MIGA1: variants seen among roughly 807,000 people sequenced by gnomAD.
The protein encoded by MIGA1 is mitoguardin 1, also known as family with sequence similarity 73, member A.
A neutral mutation model predicts 82.0 loss-of-function variants in MIGA1; 58 were observed. The observed-to-expected ratio is 0.71, with a 90% CI of 0.57 to 0.88. MIGA1 has a LOEUF of 0.88. MIGA1 is among the 40% of genes least tolerant of loss of function. The pLI is 0.00. For synonymous variants in MIGA1, 249 were observed against 253.6 expected (o/e 0.98, Z 0.17); for missense variants, 751 against 749.1 (o/e 1.00, Z -0.03).
At chr1:77,862,408 CT>C (rs1393120652) in intron 12 of MIGA1, among the ~76,000 whole-genome samples, 1 of 150,510 alleles carries the variant, frequency 6.6e-6, no homozygotes, top group Non-Finnish European at 1.5e-5. Flanking sequence ...GATCGCGCCA[CT>C]GTACTCCAGC....
chr1:77,826,820 T>C (rs896997021), intron 7 of MIGA1, among the ~76,000 whole-genome samples: 5 of 151,942 alleles, frequency 3.3e-5, no homozygotes, highest in African/African-American at 4.8e-5. Context: ...TTTTTTTTTT[T>C]CTGAGATGGA....
At chr1:77,861,057 G>T in intron 11 of MIGA1, 167 bp from the exon 12 acceptor site, 1 of 511,292 alleles carries the variant, frequency 2.0e-6, no homozygotes, top group Non-Finnish European at 3.4e-6. Context: ...TCTGCAAAAT[G>T]TTGCAATAGC....
chr1:77,795,881 G>A (rs1362467717), intron 2 of MIGA1, among the ~76,000 whole-genome samples: 3 of 151,502 alleles, frequency 2.0e-5, no homozygotes, highest in Non-Finnish European at 4.4e-5. Flanking sequence ...CTATCCACCC[G>A]CCTCAGCCTC....
At chr1:77,805,680 C>T (rs757168041) in intron 4 of MIGA1, among the ~76,000 whole-genome samples, 1 of 151,856 alleles carries the variant, frequency 6.6e-6, no homozygotes, top group Non-Finnish European at 1.5e-5. Context: ...CAGGCGTGCA[C>T]CACCACACCT....
rs537105791 is a variant in MIGA1, at chr1:77,877,266, A to C, written c.*2202A>C. 6.6e-6 allele frequency: 1 copy of C among 152,384 alleles called. No individual in the cohort carries two copies. The highest frequency in any genetic ancestry group is 2.1e-4 in the South Asian group (1 of 4,824). 9.4% of individuals were successfully genotyped at this position (152,384 alleles called of 1,614,324 possible). A position where few individuals can be genotyped will look rare whatever the true frequency, so the allele number is the denominator to read the frequency against. On this transcript the variant is annotated 3_prime_UTR_variant, in exon 16 of 16. Transcript: ENST00000370791. ...ATTTGTAATTTTCTGTATGTGCCAC[A>C]TTTATGTAAATTAACTATAAAATAT...
intron 3 of MIGA1, among the ~76,000 whole-genome samples, chr1:77,802,585 CA>C (rs1682928909): frequency 6.6e-6 from 1 of 151,986 alleles, no homozygotes; most frequent in South Asian, 2.1e-4. Flanking sequence ...CCAGCCTGGA[CA>C]ACATAGTGGG....
At chr1:77,801,543 TG>T in intron 3 of MIGA1, 35 bp downstream of exon 3, 1 of 1,527,232 alleles carries the variant, frequency 6.5e-7, no homozygotes, top group Non-Finnish European at 8.7e-7. Context: ...TGTACAAAAG[TG>T]TGTAAATCAT....
At chr1:77,791,243 TA>T (rs757682711) in intron 2 of MIGA1, among the ~76,000 whole-genome samples, 41,146 of 116,744 alleles carry the variant, frequency 0.35, 6,559 homozygotes, top group South Asian at 0.5. Context: ...CCCTGTCTCT[TA>T]AAAAAAAAAA....
chr1:77,819,209 A>G (rs1390493051), intron 7 of MIGA1, among the ~76,000 whole-genome samples: 1 of 152,148 alleles, frequency 6.6e-6, no homozygotes, highest in African/African-American at 2.4e-5. Flanking sequence ...TAACTTCCCC[A>G]GGGTTACACA....
chr1:77,845,244 A>G (rs1294595038), intron 8 of MIGA1, among the ~76,000 whole-genome samples: 1 of 152,020 alleles, frequency 6.6e-6, no homozygotes, highest in Non-Finnish European at 1.5e-5. Context: ...GACAGAATAT[A>G]TTTTCTTGTT....
intron 7 of MIGA1, among the ~76,000 whole-genome samples, chr1:77,839,433 C>A (rs982338863): frequency 6.6e-6 from 1 of 151,646 alleles, no homozygotes; most frequent in Non-Finnish European, 1.5e-5. Context: ...TGTAGTGACA[C>A]GATCATGGCT....
chr1:77,845,754 T>C (rs974035033), intron 8 of MIGA1, among the ~76,000 whole-genome samples: 3 of 152,172 alleles, frequency 2.0e-5, no homozygotes, highest in Non-Finnish European at 4.4e-5. Flanking sequence ...CAGAATGCTT[T>C]GGGAAGTTAA....
chr1:77,859,389 A>AT lies in MIGA1; in HGVS notation c.1188+10dup, dbSNP rs764028419. 22 of 1,611,858 alleles carry AT rather than the reference A, an allele frequency of 1.4e-5. No homozygotes were observed. The Admixed American group carries it at 1.5e-4, about 11-fold the overall frequency. ...ACTGTATTCGACAGGCTTTTCAGGT[A>AT]TTTTTTTAACATTAAGTGACTTCAC... On this transcript the variant is annotated splice_donor_region_variant and intron_variant, in intron 10 of 15. Coordinates refer to ENST00000370791, the MANE Select transcript of MIGA1 (RefSeq NM_198549.4).
intron 5 of MIGA1, among the ~76,000 whole-genome samples, chr1:77,807,790 C>T (rs567757768): frequency 6.6e-5 from 10 of 152,176 alleles, no homozygotes; most frequent in African/African-American, 2.2e-4. Context: ...GTCACATTCT[C>T]CTCTGTGTGT....
chr1:77,801,209 A>G, intron 2 of MIGA1, 122 bp from the exon 3 acceptor site: 1 of 628,994 alleles, frequency 1.6e-6, no homozygotes, highest in Non-Finnish European at 2.6e-6. Flanking sequence ...AAAGAGTGAA[A>G]TGATATTCTC....
At chr1:77,842,541 T>G (rs1223138516) in intron 7 of MIGA1, among the ~76,000 whole-genome samples, 1 of 152,094 alleles carries the variant, frequency 6.6e-6, no homozygotes, top group Non-Finnish European at 1.5e-5. Context: ...CTTCTTGAAT[T>G]GTTTTTTTTT....
In MIGA1 at chr1:77,813,844, G is replaced by A. The variant is rs750543149; in HGVS notation, c.748G>A (p.Ala250Thr). The change falls in exon 6 of 16, where the codon GCC becomes ACC. Residue 250 changes from alanine (A) to threonine (T), a missense_variant. By Grantham distance (58) the Ala-to-Thr change is moderately conservative (BLOSUM62 0). This residue lies in a region of MIGA1 where 482 missense variants were observed against 439.4 expected (regional missense o/e 1.10). Coordinates refer to ENST00000370791, the MANE Select transcript of MIGA1 (RefSeq NM_198549.4). ...TTCCATTAAACTGGGTGCAGGAGAT[G>A]CCATTGCTGAAGAAAATGTAGATGT... 4.3e-6 allele frequency: 7 copies of A among 1,614,158 alleles called. No homozygotes were observed. The Admixed American group carries it at 1.2e-4, about 27-fold the overall frequency.
chr1:77,832,245 A>G (rs982145431), intron 7 of MIGA1, among the ~76,000 whole-genome samples: 2 of 152,234 alleles, frequency 1.3e-5, no homozygotes, highest in East Asian at 3.8e-4. Context: ...ATAAGTGTTT[A>G]GGCATCTTCC....
chr1:77,788,941 C>CA (rs1166896879), intron 2 of MIGA1, among the ~76,000 whole-genome samples: 1 of 151,922 alleles, frequency 6.6e-6, no homozygotes, highest in East Asian at 1.9e-4. Flanking sequence ...CTATTTCTGC[C>CA]AAAAAATCAT....
Sources: gnomAD v4.1 joint callset for allele counts (sites outside exome capture counted in the v4.1 genomes callset) on GRCh38, gnomAD v4.1.1 for gene constraint, gnomAD v4.1.1 regional missense constraint, MANE v1.5 for transcripts, NCBI Gene and HGNC (gene_info 2026-07-23, HGNC 2026-07-21) for gene names.